CAPS2: variants seen among roughly 807,000 people sequenced by gnomAD.
CAPS2 encodes calcyphosine 2.
In CAPS2, 98 loss-of-function variants were observed where a neutral mutation model predicts 86.5. That is an observed-to-expected ratio of 1.13 (90% CI 0.96 to 1.34). The LOEUF (loss-of-function observed/expected upper bound fraction) is 1.34, where lower values mean the gene tolerates loss of function less well. CAPS2 is among the 40% of genes most tolerant of loss of function. The probability of loss-of-function intolerance (pLI) is 0.00; values close to 1 mark genes in which losing one functional copy is unlikely to be tolerated. For synonymous variants in CAPS2, 210 were observed against 225.1 expected (o/e 0.93, Z 0.60); for missense variants, 729 against 686.8 (o/e 1.06, Z -0.69).
Position 75,312,769 on chromosome 12 carries a change from G to A in CAPS2, c.659+79C>T. On this transcript the variant is annotated intron_variant, in intron 7 of 16. Coordinates refer to ENST00000393284, the Ensembl canonical transcript of CAPS2. ...AGTTAGCCACCCTTTAATTGACCAA[G>A]GATATGAATGTCATGCATGAAAATA... The A allele has an allele frequency of 3.5e-6, 3 of 850,474 alleles. No homozygotes were observed. In the South Asian group the frequency reaches 4.3e-5, roughly 12 times the overall value. The allele number at this position is 850,474 out of a possible 1,614,324, so 52.7% of individuals were successfully genotyped here. A position where few individuals can be genotyped will look rare whatever the true frequency, so the allele number is the denominator to read the frequency against.
chr12:75,365,368 A>G (rs560626814), intron 1 of CAPS2: 1 of 152,284 alleles, frequency 6.6e-6, no homozygotes, highest in South Asian at 2.1e-4. Flanking sequence ...TTAGAACAGA[A>G]AAAGGAAACT....
chr12:75,285,614 C>A (rs1023888322), intron 14 of CAPS2, among the ~76,000 whole-genome samples: 16 of 151,862 alleles, frequency 1.1e-4, no homozygotes, highest in Admixed American at 8.5e-4. Flanking sequence ...TTGTATACCA[C>A]CCCTCTCCCC....
exon 17 of CAPS2, chr12:75,277,590 T>C (rs1175894966): frequency 1.0e-6 from 1 of 978,452 alleles, no homozygotes. Context: ...TTCCCTCTCA[T>C]GTTTTAGTAT....
chr12:75,298,998 AAATAG>A (rs1365044614), intron 9 of CAPS2, 32 bp from the exon 10 acceptor site: 6 of 1,372,266 alleles, frequency 4.4e-6, no homozygotes, highest in Non-Finnish European at 6.0e-6. Flanking sequence ...AAACATCTTC[AAATAG>A]AATAATTTTT....
chr12:75,351,341 G>A lies in CAPS2; in HGVS notation c.-394-28119C>T, dbSNP rs530342692. On this transcript the variant is annotated intron_variant, in intron 1 of 5. Transcript: ENST00000551829. ...AATTCAGGAAATCCAGAGAACCCCC[G>A]TAAGATACTCCATGAGAAGATCAAC... is the stretch of plus-strand genomic sequence containing the variant. Among the ~76,000 whole-genome samples, 35 of 152,162 alleles carry A rather than the reference G, an allele frequency of 2.3e-4. No individual in the cohort carries two copies. The South Asian group carries it at 5.0e-3, about 22-fold the overall frequency.
intron 5 of CAPS2, 40 bp downstream of exon 5, chr12:75,321,360 T>C (rs1471338896): frequency 1.5e-6 from 2 of 1,331,462 alleles, no homozygotes; most frequent in East Asian, 2.5e-5. Context: ...TGCAGTTTTC[T>C]TTAAATGTCA....
chr12:75,302,626 AAG>A (rs1256345977), intron 8 of CAPS2, among the ~76,000 whole-genome samples: 8 of 152,254 alleles, frequency 5.3e-5, no homozygotes, highest in African/African-American at 1.9e-4. Flanking sequence ...AGAGTAGGAA[AAG>A]ATATGTGCGA....
upstream of CAPS2, chr12:75,329,920 G>C (rs1361704867): frequency 8.9e-6 from 13 of 1,468,816 alleles, no homozygotes; most frequent in Admixed American, 2.7e-4. Flanking sequence ...CAGTCAGCCT[G>C]ATTTCACCTA....
chr12:75,362,762 C>G (rs751246401), intron 1 of CAPS2, among the ~76,000 whole-genome samples: 7 of 152,048 alleles, frequency 4.6e-5, no homozygotes, highest in Non-Finnish European at 1.0e-4. Context: ...TGTTTATGTT[C>G]ATACTTAAAT....
At chr12:75,329,834 G>T (rs1358374396), upstream of CAPS2, 3 of 1,545,010 alleles carry the variant, frequency 1.9e-6, no homozygotes, top group Non-Finnish European at 2.6e-6. Flanking sequence ...CAGAGCACCT[G>T]CAGTGTAGCA....
chr12:75,314,043 C>A (rs1323184996), intron 6 of CAPS2, among the ~76,000 whole-genome samples: 1 of 152,078 alleles, frequency 6.6e-6, no homozygotes, highest in Non-Finnish European at 1.5e-5. Context: ...CCTCAACTTC[C>A]CGAGTAACTG....
upstream of CAPS2, among the ~76,000 whole-genome samples, chr12:75,327,572 T>C (rs1275154346): frequency 6.6e-6 from 1 of 151,938 alleles, no homozygotes; most frequent in Non-Finnish European, 1.5e-5. Context: ...ATTTCTGTTT[T>C]GTTTTTTAAA....
chr12:75,319,237 C>T (rs1193662652), intron 5 of CAPS2, among the ~76,000 whole-genome samples: 1 of 152,052 alleles, frequency 6.6e-6, no homozygotes, highest in Admixed American at 6.6e-5. Context: ...ATGTTTGTCC[C>T]CTCTAAGCCT....
At chr12:75,353,295 A>T (rs2042934145) in intron 1 of CAPS2, among the ~76,000 whole-genome samples, 1 of 152,204 alleles carries the variant, frequency 6.6e-6, no homozygotes, top group African/African-American at 2.4e-5. Context: ...TAGACACAAT[A>T]AAAAATGATA....
chr12:75,359,776 A>T (rs2043443156), intron 1 of CAPS2: 1 of 152,162 alleles, frequency 6.6e-6, no homozygotes, highest in Non-Finnish European at 1.5e-5. Flanking sequence ...ACAATTAGTT[A>T]TCCATAAAGT....
upstream of CAPS2, among the ~76,000 whole-genome samples, chr12:75,330,648 CTA>C (rs957860088): frequency 4.6e-5 from 7 of 151,748 alleles, no homozygotes; most frequent in African/African-American, 1.7e-4. Flanking sequence ...ATTTGTGTGA[CTA>C]TGTACATATA....
intron 7 of CAPS2, chr12:75,306,118 T>C: frequency 2.4e-6 from 3 of 1,251,428 alleles, no homozygotes; most frequent in South Asian, 2.4e-5. Flanking sequence ...ACCTTCCACA[T>C]TCGGGAACGT....
intron 7 of CAPS2, 181 bp from the exon 8 acceptor site, chr12:75,305,057 C>T: frequency 2.2e-6 from 1 of 451,702 alleles, no homozygotes; most frequent in South Asian, 4.6e-5. Flanking sequence ...ATATTCCTAT[C>T]TCTTTTTCCA....
chr12:75,306,193 G>T lies in CAPS2; in HGVS notation c.660-1317C>A, dbSNP rs538277644. 4.2e-5 allele frequency: 32 copies of T among 762,912 alleles called. No individual in the cohort carries two copies. In the South Asian group the frequency reaches 5.2e-4, roughly 12 times the overall value. The allele number at this position is 762,912 out of a possible 1,614,324, so 47.3% of individuals were successfully genotyped here. A position where few individuals can be genotyped will look rare whatever the true frequency, so the allele number is the denominator to read the frequency against. On this transcript the variant is annotated intron_variant, in intron 7 of 16. Transcript: ENST00000393284. ...CCTGAAGTACCGGCCCGGCCCCTAC[G>T]TGGAGCAGCTGGTGTTCCCGGGCCA...
Sources: gnomAD v4.1 joint callset for allele counts (sites outside exome capture counted in the v4.1 genomes callset) on GRCh38, gnomAD v4.1.1 for gene constraint, MANE v1.5 for transcripts, NCBI Gene and HGNC (gene_info 2026-07-23, HGNC 2026-07-21) for gene names.